PDSS2: variants seen among roughly 807,000 people sequenced by gnomAD.
PDSS2 encodes all trans-polyprenyl-diphosphate synthase PDSS2.
In PDSS2, 31 loss-of-function variants were observed where a neutral mutation model predicts 44.5. The observed-to-expected ratio is 0.70, with a 90% CI of 0.52 to 0.94. The LOEUF (loss-of-function observed/expected upper bound fraction) is 0.94, where lower values mean the gene tolerates loss of function less well. PDSS2 is among the 40% of genes least tolerant of loss of function. The pLI, the probability that PDSS2 is intolerant of heterozygous loss-of-function variation, is 0.00. For missense variants in PDSS2, 452 were observed against 482.2 expected (o/e 0.94, Z 0.59); for synonymous variants, 157 against 180.3 (o/e 0.87, Z 1.03).
At chr6:107,429,901 A>AAAAAAAAAATAT (rs1166637352) in intron 1 of PDSS2, among the ~76,000 whole-genome samples, 8 of 31,832 alleles carry the variant, frequency 2.5e-4, no homozygotes, top group African/African-American at 6.3e-4. Context: ...AAAAAAAAAA[A>AAAAAAAAAATAT]ATATATATAT....
At chr6:107,177,955 T>C (rs1582742497) in intron 7 of PDSS2, among the ~76,000 whole-genome samples, 1 of 152,206 alleles carries the variant, frequency 6.6e-6, no homozygotes, top group Non-Finnish European at 1.5e-5. Flanking sequence ...ATATAAACTA[T>C]GTTAAGAGTG....
chr6:107,258,445 C>T (rs1359564396), intron 3 of PDSS2, among the ~76,000 whole-genome samples: 2 of 151,344 alleles, frequency 1.3e-5, no homozygotes, highest in Non-Finnish European at 2.9e-5. Flanking sequence ...CATGATGCTG[C>T]CTTTATTTTT....
intron 1 of PDSS2, among the ~76,000 whole-genome samples, chr6:107,395,404 A>G (rs1227718266): frequency 6.6e-6 from 1 of 151,974 alleles, no homozygotes; most frequent in Non-Finnish European, 1.5e-5. Flanking sequence ...TGTTCCAATT[A>G]CTCATTTTTT....
chr6:107,356,408 C>A (rs903411855), intron 1 of PDSS2, among the ~76,000 whole-genome samples: 4 of 152,192 alleles, frequency 2.6e-5, no homozygotes, highest in Non-Finnish European at 4.4e-5. Context: ...AAACCTATCA[C>A]CAACAGTAAT....
intron 1 of PDSS2, among the ~76,000 whole-genome samples, chr6:107,370,196 A>G (rs1438657079): frequency 2.0e-4 from 31 of 152,178 alleles, no homozygotes; most frequent in Admixed American, 1.9e-3. Context: ...ATTATGCTCA[A>G]GAGTTTTGGC....
chr6:107,154,694 G>C lies in PDSS2; in HGVS notation c.1125C>G (p.Ala375=), dbSNP rs1554245194. The part of the protein sequence containing the change: ...CRYHGNKALE[A]LESFPPSEAR... The stretch of plus-strand genomic sequence containing the variant: ...CCTCCGAGGGAGGAAAGCTCTCCAG[G>C]GCCTCCAGTGCCTTGTTTCCATGGT... The change falls in exon 8 of 8, where the codon GCC becomes GCG. Residue 375 remains alanine, a synonymous_variant. Transcript: ENST00000369037. 1 of 1,613,912 alleles carries C rather than the reference G, an allele frequency of 6.2e-7. No homozygotes were observed. The highest frequency in any genetic ancestry group is 8.5e-7 in the Non-Finnish European group (1 of 1,179,942).
chr6:107,236,337 T>C (rs1326939330), intron 4 of PDSS2, among the ~76,000 whole-genome samples: 1 of 152,112 alleles, frequency 6.6e-6, no homozygotes, highest in Non-Finnish European at 1.5e-5. Flanking sequence ...ACGCAGTGGC[T>C]GACACCTGAA....
chr6:107,170,878 G>T (rs148680734), intron 7 of PDSS2, among the ~76,000 whole-genome samples: 5,795 of 152,056 alleles, frequency 0.038, 360 homozygotes, highest in African/African-American at 0.13. Context: ...CTCCCAAAGT[G>T]CTGGGATTAC....
chr6:107,310,385 A>C (rs1777005421), intron 2 of PDSS2, among the ~76,000 whole-genome samples: 1 of 152,104 alleles, frequency 6.6e-6, no homozygotes, highest in Non-Finnish European at 1.5e-5. Context: ...ACTGCCAAAA[A>C]AGAGAAAAGA....
At chr6:107,313,728 G>A (rs141002070) in intron 2 of PDSS2, among the ~76,000 whole-genome samples, 66 of 152,234 alleles carry the variant, frequency 4.3e-4, no homozygotes, top group African/African-American at 1.6e-3. Flanking sequence ...TAAATATTAT[G>A]TAACATATTT....
intron 1 of PDSS2, among the ~76,000 whole-genome samples, chr6:107,458,400 G>A (rs1782118967): frequency 2.9e-5 from 1 of 34,022 alleles, no homozygotes; most frequent in Admixed American, 2.8e-4. Context: ...GCGACAAAGC[G>A]AGACTCCGTC....
chr6:107,333,483 C>A (rs1437549664), intron 2 of PDSS2, among the ~76,000 whole-genome samples: 1 of 152,172 alleles, frequency 6.6e-6, no homozygotes, highest in East Asian at 1.9e-4. Context: ...AAAAAGTAGA[C>A]TACAGCTCTT....
At chr6:107,268,942 A>AT (rs71012789) in intron 3 of PDSS2, among the ~76,000 whole-genome samples, 79,952 of 147,534 alleles carry the variant, frequency 0.54, 22,178 homozygotes, top group Middle Eastern at 0.72. Flanking sequence ...AACAAATAGT[A>AT]TTTTTTTTTT....
intron 6 of PDSS2, 65 bp downstream of exon 6, chr6:107,210,374 A>G: frequency 8.4e-7 from 1 of 1,195,324 alleles, no homozygotes. Flanking sequence ...ACCAAGAAAT[A>G]TCAATTATGT....
chr6:107,180,093 T>G (rs569582544), intron 7 of PDSS2, among the ~76,000 whole-genome samples: 12 of 152,336 alleles, frequency 7.9e-5, no homozygotes, highest in African/African-American at 2.9e-4. Context: ...CACTATATTT[T>G]ATGACAAGGA....
chr6:107,426,688 C>T (rs138108630), intron 1 of PDSS2, among the ~76,000 whole-genome samples: 38 of 152,302 alleles, frequency 2.5e-4, no homozygotes, highest in African/African-American at 7.9e-4. Context: ...TGGGAGCCCA[C>T]CCTTTGCATC....
chr6:107,406,542 T>C (rs1443700152), intron 1 of PDSS2, among the ~76,000 whole-genome samples: 1 of 152,196 alleles, frequency 6.6e-6, no homozygotes, highest in African/African-American at 2.4e-5. Flanking sequence ...CTACCACCAA[T>C]CTGATGATAA....
At chr6:107,235,933 A>C (rs1774209096) in intron 4 of PDSS2, among the ~76,000 whole-genome samples, 2 of 152,212 alleles carry the variant, frequency 1.3e-5, no homozygotes, top group South Asian at 4.1e-4. Context: ...AAAGAAGAAG[A>C]ATCAGTGACT....
intron 1 of PDSS2, among the ~76,000 whole-genome samples, chr6:107,449,676 C>T (rs1004273153): frequency 6.6e-6 from 1 of 152,198 alleles, no homozygotes; most frequent in Non-Finnish European, 1.5e-5. Context: ...AAACGATCCT[C>T]CCACTTTGGC....
Sources: gnomAD v4.1 joint callset for allele counts (sites outside exome capture counted in the v4.1 genomes callset) on GRCh38, gnomAD v4.1.1 for gene constraint, MANE v1.5 for transcripts, NCBI Gene and HGNC (gene_info 2026-07-23, HGNC 2026-07-21) for gene names.